Variants in TBC1D5 observed in about 807,000 individuals in gnomAD.
The protein encoded by TBC1D5 is TBC1 domain family, member 5.
TBC1D5 carries 75 observed loss-of-function variants against 100.3 expected under a neutral mutation model. The observed-to-expected ratio is 0.75, with a 90% CI of 0.62 to 0.91. The LOEUF (loss-of-function observed/expected upper bound fraction) is 0.91. Ranked by LOEUF, TBC1D5 falls within the 40% of genes least tolerant of loss-of-function variation. The pLI, the probability that TBC1D5 is intolerant of heterozygous loss-of-function variation, is 0.00. For missense variants in TBC1D5, 910 were observed against 942.4 expected (o/e 0.97, Z 0.45); for synonymous variants, 323 against 325.6 (o/e 0.99, Z 0.09).
chr3:17,495,639 A>T (rs1215895937), intron 3 of TBC1D5, among the ~76,000 whole-genome samples: 2 of 152,260 alleles, frequency 1.3e-5, no homozygotes, highest in African/African-American at 4.8e-5. Context: ...GCCAGATAGA[A>T]GAAGTAACCA....
intron 1 of TBC1D5, among the ~76,000 whole-genome samples, chr3:17,707,613 G>A (rs970912231): frequency 5.9e-5 from 9 of 152,086 alleles, no homozygotes; most frequent in African/African-American, 2.2e-4. Context: ...AAAAGATGAT[G>A]TAAAACAAAA....
At chr3:17,244,373 G>A (rs2076553718) in intron 16 of TBC1D5, among the ~76,000 whole-genome samples, 2 of 152,220 alleles carry the variant, frequency 1.3e-5, no homozygotes, top group South Asian at 4.2e-4. Context: ...TACTAGTATA[G>A]GACCTTGAGA....
At chr3:17,501,332 C>T (rs75579759) in intron 3 of TBC1D5, among the ~76,000 whole-genome samples, 1,513 of 149,584 alleles carry the variant, frequency 0.01, 164 homozygotes, top group African/African-American at 0.033. Flanking sequence ...AATTAATGCA[C>T]TTATCAAACA....
intron 3 of TBC1D5, among the ~76,000 whole-genome samples, chr3:17,452,329 T>A (rs967441186): frequency 6.6e-6 from 1 of 152,058 alleles, no homozygotes; most frequent in Admixed American, 6.5e-5. Context: ...TAAATGTACA[T>A]AGACTAAACT....
chr3:17,245,375 C>G (rs1251948693), intron 16 of TBC1D5, among the ~76,000 whole-genome samples: 1 of 152,194 alleles, frequency 6.6e-6, no homozygotes, highest in Non-Finnish European at 1.5e-5. Context: ...CTGCTCATCT[C>G]AAGGAACTCT....
chr3:17,645,372 G>A (rs1480723998), intron 1 of TBC1D5, among the ~76,000 whole-genome samples: 1 of 152,076 alleles, frequency 6.6e-6, no homozygotes, highest in Non-Finnish European at 1.5e-5. Flanking sequence ...TTTGTTAAAG[G>A]AAGTCTACTG....
At chr3:17,256,396 A>ATG (rs2077677893) in intron 16 of TBC1D5, among the ~76,000 whole-genome samples, 1 of 146,618 alleles carries the variant, frequency 6.8e-6, no homozygotes, top group Admixed American at 6.8e-5. Context: ...ATATATATAT[A>ATG]ATATATATAT....
chr3:17,519,964 G>C (rs895277987), intron 2 of TBC1D5, among the ~76,000 whole-genome samples: 2 of 152,098 alleles, frequency 1.3e-5, no homozygotes, highest in African/African-American at 2.4e-5. Context: ...TAGGCAGTGA[G>C]CTTAATATTA....
chr3:17,595,187 T>C (rs1302268818), intron 2 of TBC1D5, among the ~76,000 whole-genome samples: 5 of 152,204 alleles, frequency 3.3e-5, no homozygotes, highest in Non-Finnish European at 7.3e-5. Context: ...AAGCAGCCTA[T>C]TGTGGGACCT....
At chr3:17,382,328 G>C (rs2092979648) in intron 9 of TBC1D5, among the ~76,000 whole-genome samples, 2 of 151,986 alleles carry the variant, frequency 1.3e-5, no homozygotes, top group South Asian at 4.1e-4. Context: ...TCTACACTCA[G>C]TGCTTTTAAT....
chr3:17,474,153 T>A (rs765215970), intron 3 of TBC1D5, among the ~76,000 whole-genome samples: 6 of 152,138 alleles, frequency 3.9e-5, no homozygotes, highest in African/African-American at 7.2e-5. Flanking sequence ...TGTGCACTCA[T>A]CCAAAGTCAG....
intron 16 of TBC1D5, among the ~76,000 whole-genome samples, chr3:17,253,175 AT>A (rs1472697197): frequency 2.0e-5 from 3 of 152,124 alleles, no homozygotes; most frequent in African/African-American, 4.8e-5. Flanking sequence ...TAATGACTGT[AT>A]TTTTTTCAGA....
intron 2 of TBC1D5, among the ~76,000 whole-genome samples, chr3:17,528,897 G>T (rs999119316): frequency 5.9e-5 from 9 of 152,118 alleles, no homozygotes; most frequent in Non-Finnish European, 4.4e-5. Flanking sequence ...CAGTCTATAT[G>T]TCTTTTAGTC....
chr3:17,716,859 AGTGT>A (rs1464730159), intron 1 of TBC1D5, among the ~76,000 whole-genome samples: 1 of 151,854 alleles, frequency 6.6e-6, no homozygotes, highest in Non-Finnish European at 1.5e-5. Flanking sequence ...TATTAATCTG[AGTGT>A]TTGTTCTTGA....
chr3:17,721,771 G>C (rs1199792444), intron 1 of TBC1D5, among the ~76,000 whole-genome samples: 1 of 151,810 alleles, frequency 6.6e-6, no homozygotes, highest in Non-Finnish European at 1.5e-5. Context: ...CCCTGAGCTC[G>C]GGAGTTCAAG....
At chr3:17,196,094 A>G (rs976416253) in intron 18 of TBC1D5, among the ~76,000 whole-genome samples, 4 of 152,350 alleles carry the variant, frequency 2.6e-5, no homozygotes, top group South Asian at 2.1e-4. Flanking sequence ...GCCAGACACA[A>G]TATCTGGCAC....
intron 13 of TBC1D5, among the ~76,000 whole-genome samples, chr3:17,354,525 A>G (rs2091005173): frequency 6.6e-6 from 1 of 152,200 alleles, no homozygotes; most frequent in East Asian, 1.9e-4. Context: ...GCTGTTAAAT[A>G]CCAGCTGGTC....
chr3:17,695,167 G>A (rs1393639463), intron 1 of TBC1D5, among the ~76,000 whole-genome samples: 1 of 152,150 alleles, frequency 6.6e-6, no homozygotes, highest in Non-Finnish European at 1.5e-5. Flanking sequence ...GACCATCAAT[G>A]CTATGAAGAA....
At chr3:17,445,715 TC>T (rs1446100198) in intron 3 of TBC1D5, among the ~76,000 whole-genome samples, 1 of 152,202 alleles carries the variant, frequency 6.6e-6, no homozygotes, top group East Asian at 1.9e-4. Context: ...GTTGTTAATC[TC>T]TTAATATGTC....
Sources: gnomAD v4.1 joint callset for allele counts (sites outside exome capture counted in the v4.1 genomes callset) on GRCh38, gnomAD v4.1.1 for gene constraint, MANE v1.5 for transcripts, NCBI Gene and HGNC (gene_info 2026-07-23, HGNC 2026-07-21) for gene names.